Variants in ZBTB7C observed in about 807,000 individuals in gnomAD.
The protein encoded by ZBTB7C is zinc finger and BTB domain containing 7C.
A neutral mutation model predicts 25.7 loss-of-function variants in ZBTB7C; 8 were observed. The observed-to-expected ratio is 0.31, with a 90% CI of 0.18 to 0.56. The LOEUF (loss-of-function observed/expected upper bound fraction) is 0.56, where lower values mean the gene tolerates loss of function less well. Among genes scored for constraint, ZBTB7C ranks in the 20% least tolerant of loss-of-function variants. ZBTB7C has a pLI of 0.91. For synonymous variants in ZBTB7C, 394 were observed against 369.0 expected (o/e 1.07, Z -0.78); for missense variants, 824 against 855.2 (o/e 0.96, Z 0.46).
At chr18:48,308,745 A>G (rs1210280836) in intron 2 of ZBTB7C, among the ~76,000 whole-genome samples, 2 of 152,192 alleles carry the variant, frequency 1.3e-5, no homozygotes, top group African/African-American at 4.8e-5. Context: ...GTTCTAGGCC[A>G]GTGGTTCTTA....
Position 48,028,334 on chromosome 18 carries a change from T to G in ZBTB7C, c.*926A>C, listed in dbSNP as rs1433309174. 1 of 152,138 alleles carries G rather than the reference T, an allele frequency of 6.6e-6. No homozygotes were observed. The highest frequency in any genetic ancestry group is 1.5e-5 in the Non-Finnish European group (1 of 68,054). The allele number at this position is 152,138 out of a possible 1,614,324, so 9.4% of individuals were successfully genotyped here. ...CATGAACAGCGGCCTGCAGGGAAGG[T>G]AGGGTAGCATTCTGAGTTCGCAGAG... On this transcript the variant is annotated 3_prime_UTR_variant, in exon 5 of 5. Coordinates refer to ENST00000590800, the MANE Select transcript of ZBTB7C (RefSeq NM_001318841.2).
At chr18:48,168,127 C>A (rs1599016478) in intron 3 of ZBTB7C, among the ~76,000 whole-genome samples, 1 of 152,308 alleles carries the variant, frequency 6.6e-6, no homozygotes, top group Non-Finnish European at 1.5e-5. Context: ...CTATGGGGAG[C>A]AAAGGGCAGA....
chr18:48,319,108 G>A (rs909689477), intron 2 of ZBTB7C, among the ~76,000 whole-genome samples: 7 of 150,494 alleles, frequency 4.7e-5, no homozygotes, highest in Non-Finnish European at 5.9e-5. Context: ...ATGCCAGAAT[G>A]CCTCTGTGTG....
At chr18:48,153,086 T>C (rs2040727544) in intron 3 of ZBTB7C, among the ~76,000 whole-genome samples, 1 of 152,236 alleles carries the variant, frequency 6.6e-6, no homozygotes, top group South Asian at 2.1e-4. Context: ...CAACCCCATC[T>C]TTGTCTTCCA....
At chr18:48,162,522 G>A (rs1304531168) in intron 3 of ZBTB7C, 5 of 413,398 alleles carry the variant, frequency 1.2e-5, no homozygotes, top group Non-Finnish European at 2.5e-5. Flanking sequence ...TTGGGGTTTG[G>A]CAGAGGGATG....
chr18:48,117,013 T>C (rs879554114), intron 3 of ZBTB7C, among the ~76,000 whole-genome samples: 1 of 152,122 alleles, frequency 6.6e-6, no homozygotes, highest in Non-Finnish European at 1.5e-5. Context: ...GATCTGAGAA[T>C]GGACTTCATT....
chr18:48,194,821 T>A (rs2042280360), intron 2 of ZBTB7C, among the ~76,000 whole-genome samples: 1 of 130,412 alleles, frequency 7.7e-6, no homozygotes. Flanking sequence ...GGAGAACAGA[T>A]GAGGAGGAGT....
intron 2 of ZBTB7C, among the ~76,000 whole-genome samples, chr18:48,209,373 C>T (rs914198013): frequency 6.6e-6 from 1 of 152,224 alleles, no homozygotes; most frequent in Non-Finnish European, 1.5e-5. Context: ...CAATGAATTT[C>T]ACATGAATTC....
chr18:48,136,859 CCCCGCAGCGCGTAGCGAGAATG>C (rs1198769882), intron 3 of ZBTB7C: 39 of 740,774 alleles, frequency 5.3e-5, no homozygotes, highest in Middle Eastern at 6.8e-4. Flanking sequence ...GCCACAGGGT[CCCCGCAGCGCGTAGCGAGAATG>C]CCCGCAGCGC....
intron 2 of ZBTB7C, among the ~76,000 whole-genome samples, chr18:48,321,213 T>C (rs1598866026): frequency 6.6e-6 from 1 of 152,096 alleles, no homozygotes; most frequent in African/African-American, 2.4e-5. Flanking sequence ...CTGGTCTAGC[T>C]CCCCTGTCCC....
chr18:48,358,114 G>A (rs2047018220), intron 1 of ZBTB7C, among the ~76,000 whole-genome samples: 2 of 152,324 alleles, frequency 1.3e-5, no homozygotes, highest in South Asian at 4.1e-4. Flanking sequence ...ATTTTGGGAG[G>A]CCGAGGCGGG....
intron 2 of ZBTB7C, among the ~76,000 whole-genome samples, chr18:48,285,064 A>G (rs950964619): frequency 1.3e-5 from 2 of 152,196 alleles, no homozygotes; most frequent in Admixed American, 6.5e-5. Context: ...GGTATTGTTC[A>G]TTGTTAGTTT....
intron 2 of ZBTB7C, among the ~76,000 whole-genome samples, chr18:48,227,618 T>G (rs931706397): frequency 1.3e-5 from 2 of 152,186 alleles, no homozygotes; most frequent in African/African-American, 4.8e-5. Flanking sequence ...CTATAGTGAA[T>G]AGGAAATAAA....
chr18:48,318,580 A>G (rs1280372490), intron 2 of ZBTB7C, among the ~76,000 whole-genome samples: 3 of 152,206 alleles, frequency 2.0e-5, no homozygotes, highest in Admixed American at 2.0e-4. Context: ...CCCAGCTCAC[A>G]GGAGCCCAAC....
intron 2 of ZBTB7C, among the ~76,000 whole-genome samples, chr18:48,263,063 C>A (rs372824605): frequency 5.6e-4 from 86 of 152,332 alleles, no homozygotes; most frequent in Admixed American, 9.8e-4. Context: ...CCTAGAGTGG[C>A]CCCAGCTCCC....
At chr18:48,325,969 G>A (rs1187431857) in intron 2 of ZBTB7C, among the ~76,000 whole-genome samples, 1 of 152,098 alleles carries the variant, frequency 6.6e-6, no homozygotes, top group African/African-American at 2.4e-5. Context: ...AGCTCAGGAA[G>A]GCAAGCAAAG....
At chr18:48,392,291 G>T (rs1351983232) in intron 1 of ZBTB7C, among the ~76,000 whole-genome samples, 5 of 152,052 alleles carry the variant, frequency 3.3e-5, no homozygotes, top group African/African-American at 1.2e-4. Flanking sequence ...TTAAAGCTTT[G>T]AATTCTTAAA....
chr18:48,067,431 C>G (rs1250191885), intron 3 of ZBTB7C, among the ~76,000 whole-genome samples: 1 of 152,138 alleles, frequency 6.6e-6, no homozygotes, highest in East Asian at 1.9e-4. Flanking sequence ...CATACTGGGT[C>G]AAGCAGAAAT....
intron 3 of ZBTB7C, among the ~76,000 whole-genome samples, chr18:48,106,470 G>A (rs1460768729): frequency 1.3e-5 from 2 of 152,054 alleles, no homozygotes; most frequent in Non-Finnish European, 2.9e-5. Context: ...AGTTGGTAGA[G>A]AAGATGGTAC....
Sources: allele counts gnomAD v4.1 joint callset (sites outside exome capture counted in the v4.1 genomes callset), GRCh38; gene constraint gnomAD v4.1.1; transcripts MANE v1.5; gene names NCBI Gene and HGNC (gene_info 2026-07-23, HGNC 2026-07-21).